Variants in NCAPH observed in about 807,000 individuals in gnomAD.
NCAPH encodes the protein non-SMC condensin I complex subunit H.
A neutral mutation model predicts 85.5 loss-of-function variants in NCAPH; 38 were observed. The observed-to-expected ratio is 0.44, with a 90% confidence interval of 0.34 to 0.58. NCAPH has a LOEUF of 0.58. Among genes scored for constraint, NCAPH ranks in the 20% least tolerant of loss-of-function variants. The pLI is 0.01. For synonymous variants in NCAPH, 301 were observed against 335.1 expected (o/e 0.90, Z 1.11); for missense variants, 789 against 916.6 (o/e 0.86, Z 1.80).
Position 96,361,601 on chromosome 2 carries a change from C to T in NCAPH, c.1587+891C>T, listed in dbSNP as rs72939616. On this transcript the variant is annotated intron_variant, in intron 12 of 17. Transcript: ENST00000240423. ...TTGCCTGGGGCTCTTCTCACATGTC[C>T]CTGCTGACAGGGTAAGCAGTGGTTC... Among the ~76,000 whole-genome samples the T allele has an allele frequency of 2.6e-3, 388 of 151,796 alleles. 2 individuals are homozygous for T. Among genetic ancestry groups the T allele is most frequent in the African/African-American group, 8.8e-3 (363 of 41,362 alleles).
At chr2:96,353,208 C>G in intron 7 of NCAPH, 98 bp from the exon 8 acceptor site, 1 of 943,942 alleles carries the variant, frequency 1.1e-6, no homozygotes, top group Non-Finnish European at 1.6e-6. Flanking sequence ...GTAACTGTGC[C>G]TCTCATCTCT....
chr2:96,365,752 T>C, intron 13 of NCAPH, 124 bp from the exon 14 acceptor site: 1 of 934,706 alleles, frequency 1.1e-6, no homozygotes, highest in Non-Finnish European at 1.7e-6. Flanking sequence ...TTCATCGTAG[T>C]GTAACTCACT....
intron 6 of NCAPH, among the ~76,000 whole-genome samples, chr2:96,350,538 C>T (rs754000569): frequency 6.6e-6 from 1 of 151,872 alleles, no homozygotes; most frequent in Non-Finnish European, 1.5e-5. Flanking sequence ...TGGGAGAGGC[C>T]AGAGATAAGG....
chr2:96,359,495 A>AC (rs1199461134), intron 10 of NCAPH: 2 of 365,062 alleles, frequency 5.5e-6, no homozygotes, highest in African/African-American at 2.0e-5. Context: ...GGTGGGCATG[A>AC]CCCCCGGGCA....
chr2:96,368,452 C>A (rs578036978), intron 15 of NCAPH, among the ~76,000 whole-genome samples: 2 of 152,180 alleles, frequency 1.3e-5, no homozygotes, highest in South Asian at 4.1e-4. Context: ...GTCAGGTGTT[C>A]AAGACAAGCC....
chr2:96,344,280 G>A, intron 6 of NCAPH, 51 bp downstream of exon 6: 1 of 1,545,290 alleles, frequency 6.5e-7, no homozygotes. Flanking sequence ...GAACCTTAGG[G>A]GCTGAGACTT....
Position 96,341,909 on chromosome 2 carries a change from G to A in NCAPH, c.272+15G>A, listed in dbSNP as rs755904964. On this transcript the variant is annotated intron_variant, in intron 2 of 17. Coordinates refer to ENST00000240423, the MANE Select transcript of NCAPH (RefSeq NM_015341.5). ...CCCTCCAGCAGGTGAGGTGCTCCTG[G>A]GCTGTTTCTCCTTGAGGCAGCCGCC... 4.4e-6 allele frequency: 7 copies of A among 1,606,620 alleles called. No individual in the cohort carries two copies. Among genetic ancestry groups the A allele is most frequent in the Non-Finnish European group, 5.9e-6 (7 of 1,177,514 alleles).
chr2:96,367,904 T>C (rs2064721666), intron 15 of NCAPH, among the ~76,000 whole-genome samples: 1 of 152,272 alleles, frequency 6.6e-6, no homozygotes, highest in African/African-American at 2.4e-5. Context: ...TATTCACTGC[T>C]GGTAGCAATT....
intron 1 of NCAPH, among the ~76,000 whole-genome samples, chr2:96,338,629 G>C (rs963177277): frequency 2.0e-5 from 3 of 152,182 alleles, no homozygotes; most frequent in Admixed American, 1.3e-4. Context: ...CGTCGGGGTA[G>C]AGTGAGAGCA....
chr2:96,353,522 C>G (rs573808879), intron 8 of NCAPH, 125 bp downstream of exon 8: 8 of 862,762 alleles, frequency 9.3e-6, no homozygotes, highest in Middle Eastern at 2.2e-4. Flanking sequence ...TTTCCTTTGG[C>G]ACTTCTGTAG....
chr2:96,350,786 A>G (rs1573074846), intron 6 of NCAPH, among the ~76,000 whole-genome samples: 1 of 152,172 alleles, frequency 6.6e-6, no homozygotes, highest in African/African-American at 2.4e-5. Flanking sequence ...GTGTTGTCCT[A>G]TCCAAGCCCC....
In NCAPH at chr2:96,360,639, A is replaced by T. The variant is rs771366172; in HGVS notation, c.1516A>T (p.Thr506Ser). 6.2e-7 allele frequency: 1 copy of T among 1,614,102 alleles called. No individual in the cohort carries two copies. Among genetic ancestry groups the T allele is most frequent in the Admixed American group, 1.7e-5 (1 of 60,022 alleles). The change falls in exon 12 of 18, where the codon ACC becomes TCC. Residue 506 changes from threonine (T) to serine (S), a missense_variant. Coordinates refer to ENST00000240423, the MANE Select transcript of NCAPH (RefSeq NM_015341.5). ...STLENQNWRA[T>S]TLPTDFNYNV... ...TTTGGAGAACCAGAATTGGAGAGCT[A>T]CCACCCTTCCTACAGATTTCAACTA...
At chr2:96,367,418 G>A (rs573206298) in intron 15 of NCAPH, 45 bp downstream of exon 15, 4 of 1,434,724 alleles carry the variant, frequency 2.8e-6, no homozygotes, top group African/African-American at 1.4e-5. Context: ...CATGCGGGAG[G>A]GGAGTGGTTG....
In NCAPH at chr2:96,360,279, T is replaced by C. The variant is rs772383020; in HGVS notation, c.1464+30T>C. On this transcript the variant is annotated intron_variant, in intron 11 of 17. Coordinates refer to ENST00000240423, the MANE Select transcript of NCAPH (RefSeq NM_015341.5). ...GTACTGAATTTATTAGGATTGTGCTTACTCGTTTTTCCCTTTCAGATGTGA... is the reference window on the plus strand; with the variant it reads ...GTACTGAATTTATTAGGATTGTGCTCACTCGTTTTTCCCTTTCAGATGTGA... The C allele has an allele frequency of 1.1e-5, 13 of 1,232,742 alleles. 1 individual carries two copies. In the South Asian group the frequency reaches 1.7e-4, roughly 16 times the overall value. The allele number at this position is 1,232,742 out of a possible 1,614,324, so 76.4% of individuals were successfully genotyped here.
At chr2:96,345,570 C>T (rs2064351657) in intron 6 of NCAPH, among the ~76,000 whole-genome samples, 1 of 152,160 alleles carries the variant, frequency 6.6e-6, no homozygotes, top group Non-Finnish European at 1.5e-5. Flanking sequence ...CCCTCTAGTG[C>T]CCCTACTTGG....
intron 8 of NCAPH, among the ~76,000 whole-genome samples, chr2:96,353,658 A>C (rs928782814): frequency 3.9e-5 from 6 of 152,164 alleles, no homozygotes; most frequent in Admixed American, 2.0e-4. Context: ...CGGCCCTGGC[A>C]TTAATCAGTG....
rs2064583271 is a variant in NCAPH, at chr2:96,360,042, G to A, written c.1358-101G>A. On this transcript the variant is annotated intron_variant, in intron 10 of 17. Coordinates refer to ENST00000240423, the MANE Select transcript of NCAPH (RefSeq NM_015341.5). ...ATGCTCAGACACAATGCTGCCTTGT[G>A]GTTTTGATAAGCCTTGATAAGGCTG... 4.2e-6 allele frequency: 3 copies of A among 709,382 alleles called. No homozygotes were observed. In the East Asian group the frequency reaches 7.8e-5, roughly 18 times the overall value. The allele number at this position is 709,382 out of a possible 1,614,324, so 43.9% of individuals were successfully genotyped here.
intron 11 of NCAPH, 70 bp from the exon 12 acceptor site, chr2:96,360,518 C>A: frequency 6.4e-7 from 1 of 1,574,464 alleles, no homozygotes; most frequent in Non-Finnish European, 8.7e-7. Context: ...TCCCAGACTG[C>A]TTTAAAAAAA....
intron 1 of NCAPH, 111 bp from the exon 2 acceptor site, chr2:96,341,531 G>T: frequency 7.3e-7 from 1 of 1,364,176 alleles, no homozygotes; most frequent in East Asian, 2.3e-5. Flanking sequence ...AGTTGGAGAA[G>T]ATCTCAGTGG....
Sources: gnomAD v4.1 joint callset for allele counts (sites outside exome capture counted in the v4.1 genomes callset) on GRCh38, gnomAD v4.1.1 for gene constraint, MANE v1.5 for transcripts, NCBI Gene and HGNC (gene_info 2026-07-23, HGNC 2026-07-21) for gene names.